Variants in RELN observed in about 807,000 individuals in gnomAD.
RELN encodes reelin.
RELN carries 108 observed loss-of-function variants against 427.6 expected under a neutral mutation model. That is an observed-to-expected ratio of 0.25 (90% CI 0.22 to 0.30). The LOEUF is 0.30. Among genes scored for constraint, RELN ranks in the 10% least tolerant of loss-of-function variants. The probability of loss-of-function intolerance (pLI) is 1.00; values close to 1 mark genes in which losing one functional copy is unlikely to be tolerated. For missense variants in RELN, 3,715 were observed against 4,302.8 expected (o/e 0.86, Z 3.82); for synonymous variants, 1,524 against 1,513.4 (o/e 1.01, Z -0.16).
intron 20 of RELN, among the ~76,000 whole-genome samples, chr7:103,618,962 A>G (rs1832148543): frequency 6.6e-6 from 1 of 151,920 alleles, no homozygotes. Context: ...AACACAAAAA[A>G]CCAAAATTAG....
chr7:103,682,273 A>G lies in RELN; in HGVS notation c.1144-12T>C. The G allele has an allele frequency of 6.2e-7, 1 of 1,613,944 alleles. No homozygotes were observed. Among genetic ancestry groups the G allele is most frequent in the Non-Finnish European group, 8.5e-7 (1 of 1,179,858 alleles). The stretch of plus-strand genomic sequence containing the variant: ...GACTGACAGCTATGCTGTAGGTGAA[A>G]AGAGAGCACGGGGTGGCTGTTGAAT... On this transcript the variant is annotated splice_polypyrimidine_tract_variant and intron_variant, in intron 10 of 64. Coordinates refer to ENST00000428762, the MANE Select transcript of RELN (RefSeq NM_005045.4).
At chr7:103,566,129 C>T in intron 33 of RELN, 95 bp downstream of exon 33, 1 of 1,104,942 alleles carries the variant, frequency 9.1e-7, no homozygotes, top group South Asian at 1.3e-5. Flanking sequence ...TAGTTAGGCA[C>T]ACGGTTTTGC....
chr7:103,806,065 T>C (rs1210174679), intron 3 of RELN, among the ~76,000 whole-genome samples: 2 of 152,240 alleles, frequency 1.3e-5, no homozygotes, highest in Admixed American at 6.5e-5. Context: ...TACGCATTGG[T>C]AAGGAAAATA....
chr7:103,933,141 T>C (rs1414975568), intron 1 of RELN, among the ~76,000 whole-genome samples: 1 of 152,124 alleles, frequency 6.6e-6, no homozygotes, highest in Non-Finnish European at 1.5e-5. Context: ...CACAGCAGCA[T>C]ACCATTAGCC....
intron 3 of RELN, among the ~76,000 whole-genome samples, chr7:103,799,508 C>A (rs180817544): frequency 6.2e-4 from 94 of 152,304 alleles, no homozygotes; most frequent in Non-Finnish European, 1.0e-3. Context: ...CCATCTCCTA[C>A]CTCAGAACAT....
chr7:103,608,422 T>C (rs1431354339), intron 22 of RELN, among the ~76,000 whole-genome samples: 2 of 152,136 alleles, frequency 1.3e-5, no homozygotes, highest in Admixed American at 1.3e-4. Context: ...CTTTTTTTTT[T>C]CCAGGGCTTT....
intron 6 of RELN, among the ~76,000 whole-genome samples, chr7:103,736,581 C>T (rs563095546): frequency 6.6e-6 from 1 of 152,196 alleles, no homozygotes; most frequent in African/African-American, 2.4e-5. Context: ...AATTCGATCT[C>T]GTCTTCATTA....
intron 3 of RELN, among the ~76,000 whole-genome samples, chr7:103,820,860 A>T (rs1399569647): frequency 6.6e-6 from 1 of 152,110 alleles, no homozygotes; most frequent in East Asian, 1.9e-4. Context: ...AATAGCACAC[A>T]CACACATACA....
chr7:103,685,586 A>G (rs1432425998), intron 10 of RELN, among the ~76,000 whole-genome samples: 1 of 152,052 alleles, frequency 6.6e-6, no homozygotes, highest in Non-Finnish European at 1.5e-5. Flanking sequence ...TTTTATTTGT[A>G]TTTCTAGCAC....
At chr7:103,903,649 T>C (rs6971649) in intron 2 of RELN, among the ~76,000 whole-genome samples, 65,039 of 151,882 alleles carry the variant, frequency 0.43, 14,368 homozygotes, top group East Asian at 0.74. Flanking sequence ...CATTTCCTGA[T>C]GTTCTTTTTT....
chr7:103,879,949 T>C (rs1794569118), intron 2 of RELN, among the ~76,000 whole-genome samples: 1 of 152,138 alleles, frequency 6.6e-6, no homozygotes, highest in South Asian at 2.1e-4. Flanking sequence ...TTTTCTCACC[T>C]ACATATCATT....
chr7:103,740,755 G>C (rs1240354103), intron 6 of RELN, among the ~76,000 whole-genome samples: 1 of 152,136 alleles, frequency 6.6e-6, no homozygotes, highest in Non-Finnish European at 1.5e-5. Flanking sequence ...CTTTTAAATT[G>C]ACCTACCTCT....
At chr7:103,506,983 A>G (rs867929884) in intron 51 of RELN, among the ~76,000 whole-genome samples, 10 of 152,360 alleles carry the variant, frequency 6.6e-5, no homozygotes, top group South Asian at 2.1e-4. Context: ...AAGAAGAGCT[A>G]GCTGTTCTAA....
Position 103,988,923 on chromosome 7 carries a change from C to A in RELN, c.226+208G>T, listed in dbSNP as rs1022619450. On this transcript the variant is annotated intron_variant, in intron 1 of 64. Transcript: ENST00000428762. This position sits in a 1 kb window ranked among gnomAD's most constrained non-coding sequence, Gnocchi z 4.9. ...CCAGCTCATTACCAGGAGATGCGTT[C>A]GGGGAGTGGGGACATGGAGAATGAA... is the stretch of plus-strand genomic sequence containing the variant. Among the ~76,000 whole-genome samples, 5 of 152,182 alleles carry A rather than the reference C, an allele frequency of 3.3e-5. No individual in the cohort carries two copies. The highest frequency in any genetic ancestry group is 1.2e-4 in the African/African-American group (5 of 41,454).
chr7:103,763,283 T>A (rs1484091231), intron 4 of RELN, among the ~76,000 whole-genome samples: 1 of 151,970 alleles, frequency 6.6e-6, no homozygotes, highest in Non-Finnish European at 1.5e-5. Flanking sequence ...GAAATAAGAG[T>A]AATTCGGCAT....
At chr7:103,686,801 T>C (rs541157646) in intron 10 of RELN, among the ~76,000 whole-genome samples, 2 of 152,306 alleles carry the variant, frequency 1.3e-5, no homozygotes, top group Non-Finnish European at 2.9e-5. Context: ...GTATAGACTT[T>C]CATGCTATAT....
At chr7:103,842,899 A>G (rs1793587262) in intron 2 of RELN, among the ~76,000 whole-genome samples, 1 of 152,078 alleles carries the variant, frequency 6.6e-6, no homozygotes, top group Admixed American at 6.6e-5. Context: ...CTGCCTCCCC[A>G]TTCCTCTCCC....
At chr7:103,594,570 G>A in intron 25 of RELN, 78 bp from the exon 26 acceptor site, 1 of 1,437,142 alleles carries the variant, frequency 7.0e-7, no homozygotes, top group East Asian at 2.3e-5. Context: ...AACAACAAGG[G>A]TAACAACAAG....
At chr7:103,900,909 T>C (rs946659453) in intron 2 of RELN, among the ~76,000 whole-genome samples, 1 of 151,936 alleles carries the variant, frequency 6.6e-6, no homozygotes, top group African/African-American at 2.4e-5. Flanking sequence ...ACCTGGGCAA[T>C]ACCATTCAGG....
Sources: allele counts gnomAD v4.1 joint callset (sites outside exome capture counted in the v4.1 genomes callset), GRCh38; gene constraint gnomAD v4.1.1; non-coding constraint Gnocchi (gnomAD v3.1); transcripts MANE v1.5; gene names NCBI Gene and HGNC (gene_info 2026-07-23, HGNC 2026-07-21).